TRRAP: variants seen among roughly 807,000 people sequenced by gnomAD.
TRRAP encodes the protein transformation/transcription domain-associated protein.
Under a neutral mutation model 438.8 loss-of-function variants are expected in TRRAP, and 41 were observed. That is an observed-to-expected ratio of 0.09 (90% CI 0.07 to 0.12). TRRAP has a LOEUF of 0.12. Among genes scored for constraint, TRRAP ranks in the 10% least tolerant of loss-of-function variants. The pLI, the probability that TRRAP is intolerant of heterozygous loss-of-function variation, is 1.00. For missense variants in TRRAP, 3,122 were observed against 5,055.1 expected (o/e 0.62, Z 11.60); for synonymous variants, 1,994 against 1,962.9 (o/e 1.02, Z -0.42).
chr7:98,988,156 G>C (rs959420969), intron 62 of TRRAP, among the ~76,000 whole-genome samples: 1 of 152,134 alleles, frequency 6.6e-6, no homozygotes, highest in Non-Finnish European at 1.5e-5. Flanking sequence ...AAGTTCCCTT[G>C]CTATGTCTGG....
chr7:98,928,124 G>A (rs531379403), intron 23 of TRRAP, among the ~76,000 whole-genome samples: 10 of 152,232 alleles, frequency 6.6e-5, no homozygotes, highest in South Asian at 2.1e-4. Flanking sequence ...TGTAATCCCA[G>A]CTACTCGGGA....
rs1554417881 is a variant in TRRAP at position 98,950,073 on chromosome 7, C to T, written c.5145C>T (p.Tyr1715=). The change falls in exon 38 of 73, where the codon TAC becomes TAT. Residue 1715 remains tyrosine (Y), a synonymous_variant. Transcript: ENST00000456197. ...YCLLNYCKRN[Y]GDIELLFQLL... The stretch of plus-strand genomic sequence containing the variant: ...TCTTTTGACCCTCCAGAAGGAATTA[C>T]GGAGATATAGAATTGCTGTTCCAGC... 1.1e-5 allele frequency: 17 copies of T among 1,614,206 alleles called. No individual in the cohort carries two copies. Among genetic ancestry groups the T allele is most frequent in the East Asian group, 2.2e-5 (1 of 44,880 alleles).
Position 98,984,370 on chromosome 7 carries a change from A to G in TRRAP, c.9288+12A>G. On this transcript the variant is annotated intron_variant, in intron 61 of 72. Transcript: ENST00000456197. The stretch of plus-strand genomic sequence containing the variant: ...ACGAGTGCATGCAGGTGCGGACAGG[A>G]CACTTGAAGAATGAGGCCAGGTGGA... 6.5e-7 allele frequency: 1 copy of G among 1,539,882 alleles called. No homozygotes were observed. The highest frequency in any genetic ancestry group is 2.3e-5 in the East Asian group (1 of 42,934).
chr7:98,880,556 C>G (rs1055210498), intron 1 of TRRAP, among the ~76,000 whole-genome samples: 5 of 152,148 alleles, frequency 3.3e-5, no homozygotes, highest in African/African-American at 9.7e-5. Context: ...GCCACTGCGC[C>G]TGGCCTGCTG....
At chr7:98,932,054 A>G (rs1422767603) in intron 26 of TRRAP, among the ~76,000 whole-genome samples, 4 of 151,930 alleles carry the variant, frequency 2.6e-5, no homozygotes, top group African/African-American at 9.7e-5. Context: ...AGCTGGGACT[A>G]CAGACACACA....
intron 39 of TRRAP, 70 bp from the exon 40 acceptor site, chr7:98,953,097 T>C: frequency 2.6e-6 from 4 of 1,525,126 alleles, no homozygotes; most frequent in Non-Finnish European, 3.5e-6. Flanking sequence ...GGCTTAAACC[T>C]GTCGTATGAC....
At chr7:98,961,502 T>C in intron 46 of TRRAP, 28 bp downstream of exon 46, 1 of 1,608,498 alleles carries the variant, frequency 6.2e-7, no homozygotes, top group East Asian at 2.2e-5. Context: ...CCGGTGCTTT[T>C]CTTTCAAAGT....
chr7:98,973,528 T>A (rs1212647928), intron 53 of TRRAP, among the ~76,000 whole-genome samples: 1 of 152,200 alleles, frequency 6.6e-6, no homozygotes, highest in Non-Finnish European at 1.5e-5. Flanking sequence ...GCTGTACACC[T>A]CCACGTCCTC....
chr7:98,899,939 G>C (rs551875327), intron 10 of TRRAP, among the ~76,000 whole-genome samples, 172 bp downstream of exon 10: 1 of 152,092 alleles, frequency 6.6e-6, no homozygotes, highest in Non-Finnish European at 1.5e-5. Flanking sequence ...AGCTATTTTC[G>C]TTCTTAATTT....
At chr7:98,898,877 G>T (rs1796344996) in intron 8 of TRRAP, among the ~76,000 whole-genome samples, 2 of 152,138 alleles carry the variant, frequency 1.3e-5, no homozygotes, top group Admixed American at 6.6e-5. Context: ...TTTTACAAAT[G>T]ATTATGTAGA....
chr7:98,964,246 A>G (rs1169278823), intron 47 of TRRAP, among the ~76,000 whole-genome samples: 1 of 152,236 alleles, frequency 6.6e-6, no homozygotes, highest in Non-Finnish European at 1.5e-5. Context: ...ATTGAATTCA[A>G]AGATATTTGG....
intron 16 of TRRAP, 51 bp from the exon 17 acceptor site, chr7:98,911,022 TATTC>T: frequency 6.6e-7 from 1 of 1,509,110 alleles, no homozygotes. Flanking sequence ...TAATGGAACA[TATTC>T]AGAGAGGTTC....
intron 33 of TRRAP, among the ~76,000 whole-genome samples, chr7:98,946,844 A>G (rs1256158292): frequency 2.0e-5 from 3 of 152,250 alleles, no homozygotes; most frequent in Admixed American, 6.5e-5. Flanking sequence ...CAGTGCTTTG[A>G]AAATGAAAAA....
chr7:98,935,516 T>C, intron 27 of TRRAP, 63 bp from the exon 28 acceptor site: 1 of 1,446,460 alleles, frequency 6.9e-7, no homozygotes. Flanking sequence ...GTTCTGTTAT[T>C]TGCAAGGTTA....
At chr7:98,884,901 T>C (rs535383283) in intron 3 of TRRAP, among the ~76,000 whole-genome samples, 88 of 152,234 alleles carry the variant, frequency 5.8e-4, no homozygotes, top group Non-Finnish European at 9.7e-4. Context: ...AAAAGTTATC[T>C]CGTATTTTGC....
At chr7:98,966,047 C>G in intron 49 of TRRAP, 152 bp downstream of exon 49, 1 of 970,880 alleles carries the variant, frequency 1.0e-6, no homozygotes, top group Non-Finnish European at 1.5e-6. Context: ...GGATTTTTGT[C>G]TGTAATCTCA....
chr7:98,934,241 G>A (rs781851089), intron 27 of TRRAP, among the ~76,000 whole-genome samples: 7 of 152,166 alleles, frequency 4.6e-5, no homozygotes, highest in Non-Finnish European at 7.3e-5. Flanking sequence ...ACTTGCAGAG[G>A]CATTGTCAGA....
intron 58 of TRRAP, among the ~76,000 whole-genome samples, chr7:98,979,835 T>C (rs1792830911): frequency 6.6e-6 from 1 of 152,262 alleles, no homozygotes; most frequent in Non-Finnish European, 1.5e-5. Flanking sequence ...TAATCTGCAC[T>C]AAATTAATTT....
rs782343411 is a variant in TRRAP at position 98,910,490 on chromosome 7, A to G, written c.1715-20A>G. ...AGTGAGTTTTATTCAAGTTAACTTA[A>G]TATACTTTCTCTTTTCCAGAAGCTC... On this transcript the variant is annotated intron_variant, in intron 15 of 72. Transcript: ENST00000456197. 7 of 1,613,840 alleles carry G rather than the reference A, an allele frequency of 4.3e-6. No homozygotes were observed. Among genetic ancestry groups the G allele is most frequent in the South Asian group, 1.1e-5 (1 of 91,066 alleles).
Sources: allele counts gnomAD v4.1 joint callset (sites outside exome capture counted in the v4.1 genomes callset), GRCh38; gene constraint gnomAD v4.1.1; transcripts MANE v1.5; gene names NCBI Gene and HGNC (gene_info 2026-07-23, HGNC 2026-07-21).